MAP3K9: variants seen among roughly 807,000 people sequenced by gnomAD.
MAP3K9 encodes the protein mitogen-activated protein kinase kinase kinase 9, also known as mixed lineage kinase 1 (tyr and ser/thr specificity).
A neutral mutation model predicts 95.8 loss-of-function variants in MAP3K9; 46 were observed. The observed-to-expected ratio is 0.48, with a 90% confidence interval of 0.38 to 0.61. The LOEUF is 0.61. MAP3K9 is among the 20% of genes least tolerant of loss of function. MAP3K9 has a pLI of 0.00. For synonymous variants in MAP3K9, 533 were observed against 593.8 expected (o/e 0.90, Z 1.49); for missense variants, 1,296 against 1,474.3 (o/e 0.88, Z 1.98).
In MAP3K9 at chr14:70,748,879, A is replaced by C. The variant is rs1485836848; in HGVS notation, c.1276T>G (p.Trp426Gly). ...AACATCTCCTGAATCTCGTGTTTCC[A>C]GTTGTCCTGCAGGCAGTGGAAGGAG... Reference protein sequence around the residue: ...KDSFHCLQDNWKHEIQEMFDQ... With the variant: ...KDSFHCLQDNGKHEIQEMFDQ... Residue 426 changes from tryptophan (W) to glycine (G), a missense_variant, in exon 5 of 12, where the codon TGG becomes GGG. Trp to Gly is a radical substitution (Grantham distance 184). Coordinates refer to ENST00000554752, the MANE Select transcript of MAP3K9 (RefSeq NM_001284230.2). 1 of 1,613,452 alleles carries C rather than the reference A, an allele frequency of 6.2e-7. No individual in the cohort carries two copies. The highest frequency in any genetic ancestry group is 1.7e-5 in the Admixed American group (1 of 59,946).
chr14:70,796,305 T>A (rs1219835943), intron 2 of MAP3K9, among the ~76,000 whole-genome samples: 2 of 152,224 alleles, frequency 1.3e-5, no homozygotes, highest in East Asian at 3.8e-4. Context: ...TAGGGCGTGA[T>A]GCTTAAGTTA....
intron 2 of MAP3K9, chr14:70,765,597 C>T (rs747000292): frequency 6.0e-6 from 3 of 501,724 alleles, no homozygotes; most frequent in Non-Finnish European, 1.1e-5. Flanking sequence ...CAATTGTCTA[C>T]AATATTCAGT....
intron 11 of MAP3K9, among the ~76,000 whole-genome samples, chr14:70,731,650 T>C (rs564897049): frequency 2.6e-5 from 4 of 152,310 alleles, no homozygotes; most frequent in East Asian, 1.9e-4. Context: ...TGCTCATCCA[T>C]GTAATAAACA....
intron 1 of MAP3K9, among the ~76,000 whole-genome samples, chr14:70,802,638 C>T (rs2054943453): frequency 6.6e-6 from 1 of 152,138 alleles, no homozygotes; most frequent in East Asian, 1.9e-4. Context: ...GGAACTTCTC[C>T]ATCACCAAGA....
intron 5 of MAP3K9, among the ~76,000 whole-genome samples, chr14:70,745,207 C>T (rs1428905489): frequency 6.6e-6 from 1 of 151,944 alleles, no homozygotes; most frequent in Non-Finnish European, 1.5e-5. Context: ...GTGGTCGAAA[C>T]CTAACTTCTT....
rs149311358 is a variant in MAP3K9, at chr14:70,777,917, A to G, written c.821-16735T>C. 8.2e-3 allele frequency among the ~76,000 whole-genome samples: 1,254 copies of G among 152,350 alleles called. 11 individuals carry two copies. The highest frequency in any genetic ancestry group is 0.013 in the Non-Finnish European group (903 of 68,024). On this transcript the variant is annotated intron_variant, in intron 2 of 11. Coordinates refer to ENST00000554752, the MANE Select transcript of MAP3K9 (RefSeq NM_001284230.2). ...TCCCAGCCAACACGCATGCCTGAGA[A>G]TCTACCTACTTTGGCAGAAACTGGT...
At position 70,733,143 on chromosome 14, in the gene MAP3K9, G is replaced by A. The variant is rs918608883; in HGVS notation, c.2226C>T (p.Gly742=). 39 of 1,613,238 alleles carry A rather than the reference G, an allele frequency of 2.4e-5. No homozygotes were observed. The highest frequency in any genetic ancestry group is 3.3e-4 in the Middle Eastern group (2 of 6,084). ...QLTPTNSLKR[G]GAHHRRCEVA... ...CCTCGCAGCGGCGGTGGTGGGCACC[G>A]CCCCGCTTGAGGCTGTTGGTTGGCG... Residue 742 remains glycine, a synonymous_variant, in exon 11 of 12, where the codon GGC becomes GGT. Coordinates refer to ENST00000554752, the MANE Select transcript of MAP3K9 (RefSeq NM_001284230.2).
Position 70,767,104 on chromosome 14 carries a change from C to T in MAP3K9, c.821-5922G>A, listed in dbSNP as rs2054466115. Among the ~76,000 whole-genome samples the T allele has an allele frequency of 1.3e-5, 2 of 152,100 alleles. 1 individual carries two copies. The highest frequency in any genetic ancestry group is 4.1e-4 in the South Asian group (2 of 4,828). On this transcript the variant is annotated intron_variant, in intron 2 of 11. Transcript: ENST00000554752. ...GGCTCTTTGAAAGAACTCATCCCGGCTGGGTGCGGTGGCTCATGCCTATAA... is the reference window on the plus strand; with the variant it reads ...GGCTCTTTGAAAGAACTCATCCCGGTTGGGTGCGGTGGCTCATGCCTATAA...
rs1280274582 is a variant in MAP3K9 at position 70,727,925 on chromosome 14, A to C, written c.*2455T>G. ...ACATCTAGAAAGATGGCTGCAACCT[A>C]CCACAATGGCAAAAGTTAAAAATGA... On this transcript the variant is annotated 3_prime_UTR_variant, in exon 12 of 12. Transcript: ENST00000554752. 2 of 152,226 alleles carry C rather than the reference A, an allele frequency of 1.3e-5. No homozygotes were observed. Among genetic ancestry groups the C allele is most frequent in the Non-Finnish European group, 2.9e-5 (2 of 68,066 alleles). The allele number at this position is 152,226 out of a possible 1,614,324, so 9.4% of individuals were successfully genotyped here. A position where few individuals can be genotyped will look rare whatever the true frequency, so the allele number is the denominator to read the frequency against.
intron 2 of MAP3K9, among the ~76,000 whole-genome samples, chr14:70,796,274 G>T (rs1380180035): frequency 1.3e-5 from 2 of 152,186 alleles, no homozygotes; most frequent in Non-Finnish European, 2.9e-5. Flanking sequence ...TTTATAGCCA[G>T]AGGCTTTTTA....
chr14:70,736,898 C>A (rs1384754792), intron 8 of MAP3K9, among the ~76,000 whole-genome samples: 1 of 152,114 alleles, frequency 6.6e-6, no homozygotes, highest in Non-Finnish European at 1.5e-5. Context: ...GAGAGTCAAT[C>A]CTTTATGAAT....
At chr14:70,735,859 G>T in intron 9 of MAP3K9, 102 bp downstream of exon 9, 2 of 918,562 alleles carry the variant, frequency 2.2e-6, no homozygotes, top group Non-Finnish European at 3.6e-6. Context: ...TTCAGCCCTG[G>T]CAATAACGAG....
At chr14:70,776,831 C>T (rs1188375029) in intron 2 of MAP3K9, among the ~76,000 whole-genome samples, 1 of 74,780 alleles carries the variant, frequency 1.3e-5, no homozygotes, top group Non-Finnish European at 2.5e-5. Flanking sequence ...AAAGATCTCT[C>T]ACTTTTTTTT....
chr14:70,784,258 G>C (rs980754233), intron 2 of MAP3K9, among the ~76,000 whole-genome samples: 1 of 151,844 alleles, frequency 6.6e-6, no homozygotes, highest in Non-Finnish European at 1.5e-5. Flanking sequence ...ACTCCAGCCT[G>C]GGAAACAAGA....
chr14:70,745,000 G>A (rs1055978733), intron 5 of MAP3K9, among the ~76,000 whole-genome samples: 1 of 152,196 alleles, frequency 6.6e-6, no homozygotes, highest in Non-Finnish European at 1.5e-5. Flanking sequence ...TTCCTGGCAA[G>A]AGGGGAGGGG....
At chr14:70,732,310 C>G (rs762222374) in intron 11 of MAP3K9, among the ~76,000 whole-genome samples, 22 of 152,102 alleles carry the variant, frequency 1.4e-4, no homozygotes, top group Non-Finnish European at 2.6e-4. Flanking sequence ...TTCCTAGAAC[C>G]TGCCTGTCTT....
chr14:70,736,869 T>C (rs2053993103), intron 8 of MAP3K9, among the ~76,000 whole-genome samples: 1 of 152,220 alleles, frequency 6.6e-6, no homozygotes, highest in Admixed American at 6.5e-5. Flanking sequence ...TATCTAGTGA[T>C]TTACAAAGCC....
At chr14:70,803,656 C>A (rs1212467213) in intron 1 of MAP3K9, among the ~76,000 whole-genome samples, 1 of 152,192 alleles carries the variant, frequency 6.6e-6, no homozygotes, top group Non-Finnish European at 1.5e-5. Context: ...ACAAAGGAAA[C>A]TCTTAGGTGG....
chr14:70,764,417 A>T (rs747117229), intron 2 of MAP3K9, among the ~76,000 whole-genome samples: 1 of 150,168 alleles, frequency 6.7e-6, no homozygotes, highest in Non-Finnish European at 1.5e-5. Context: ...AAAGTTTAAA[A>T]TGTAAAAACA....
Sources: allele counts gnomAD v4.1 joint callset (sites outside exome capture counted in the v4.1 genomes callset), GRCh38; gene constraint gnomAD v4.1.1; transcripts MANE v1.5; gene names NCBI Gene and HGNC (gene_info 2026-07-23, HGNC 2026-07-21).